The following COX7B2 variants were observed in gnomAD, a reference collection of about 807,000 sequenced individuals.
COX7B2 encodes the protein cytochrome c oxidase subunit 7B2, mitochondrial.
For missense variants in COX7B2, 109 were observed against 95.9 expected (o/e 1.14, Z -0.57); for synonymous variants, 37 against 32.1 (o/e 1.15, Z -0.51).
At chr4:46,754,600 T>G (rs1715638600) in intron 2 of COX7B2, among the ~76,000 whole-genome samples, 1 of 148,316 alleles carries the variant, frequency 6.7e-6, no homozygotes, top group Non-Finnish European at 1.5e-5. Context: ...AAATGACCAG[T>G]TAATGTGTGC....
intron 1 of COX7B2, among the ~76,000 whole-genome samples, chr4:46,879,394 T>G (rs1718563306): frequency 6.6e-6 from 1 of 152,004 alleles, no homozygotes; most frequent in Non-Finnish European, 1.5e-5. Flanking sequence ...CACGGCTCGC[T>G]GCCCTGCTGA....
At position 46,734,985 on chromosome 4, in the gene COX7B2, CAG is replaced by C. The variant is rs781693484; in HGVS notation, c.206_207del (p.Pro69ArgfsTer40). The C allele has an allele frequency of 5.7e-5, 92 of 1,613,874 alleles. No homozygotes were observed. Among genetic ancestry groups the C allele is most frequent in the Non-Finnish European group, 7.6e-5 (90 of 1,179,970 alleles). ...TQIGIEWNLS[P>X]VGRVTPKEWK... Reference sequence around the variant, plus strand: ...CACTCTTTTGGGGTAACTCTGCCAACAGGGGATAGGTTCCATTCTATTCCAAT... The same window carrying C: ...CACTCTTTTGGGGTAACTCTGCCAACGGGATAGGTTCCATTCTATTCCAAT... On this transcript the variant is annotated frameshift_variant, in exon 3 of 3. Transcript: ENST00000355591. LOFTEE classifies it high-confidence loss of function.
At chr4:46,848,454 G>C (rs925245698) in intron 1 of COX7B2, among the ~76,000 whole-genome samples, 1 of 151,978 alleles carries the variant, frequency 6.6e-6, no homozygotes, top group Non-Finnish European at 1.5e-5. Context: ...CTATAATTTG[G>C]ATGCAAACTT....
At chr4:46,818,827 C>T (rs1159009717) in intron 2 of COX7B2, among the ~76,000 whole-genome samples, 1 of 152,142 alleles carries the variant, frequency 6.6e-6, no homozygotes, top group East Asian at 1.9e-4. Flanking sequence ...TTAACTGTTC[C>T]ACAAACACAG....
At chr4:46,819,670 G>A (rs576670688) in intron 2 of COX7B2, among the ~76,000 whole-genome samples, 1 of 152,156 alleles carries the variant, frequency 6.6e-6, no homozygotes, top group Non-Finnish European at 1.5e-5. Flanking sequence ...GGTTAGACAA[G>A]CTTGTGTTAA....
At chr4:46,779,734 TA>T (rs1717341417) in intron 2 of COX7B2, among the ~76,000 whole-genome samples, 1 of 150,554 alleles carries the variant, frequency 6.6e-6, no homozygotes, top group Non-Finnish European at 1.5e-5. Context: ...CAGTGAAATC[TA>T]AAAAATCAAA....
intron 2 of COX7B2, among the ~76,000 whole-genome samples, chr4:46,736,663 C>G (rs1337466878): frequency 6.6e-6 from 1 of 152,160 alleles, no homozygotes; most frequent in African/African-American, 2.4e-5. Context: ...TTTTTACTGT[C>G]TCCACAGTTT....
chr4:46,801,329 G>C (rs140497500), intron 2 of COX7B2, among the ~76,000 whole-genome samples: 2 of 152,050 alleles, frequency 1.3e-5, no homozygotes, highest in Non-Finnish European at 2.9e-5. Context: ...ACAGGGAATC[G>C]ACATAGATGC....
chr4:46,759,948 T>A (rs1163770889), intron 2 of COX7B2, among the ~76,000 whole-genome samples: 2 of 151,578 alleles, frequency 1.3e-5, no homozygotes, highest in Non-Finnish European at 2.9e-5. Flanking sequence ...GTTATATAAG[T>A]CTTATATAAG....
In COX7B2 at chr4:46,909,080, A is replaced by C. The variant is rs1001247525; in HGVS notation, c.-105+80T>G. ...AAAAATTTCAAAATATTTCCTGATA[A>C]CTGTTAGAGCAATGAATGAAGACCA... On this transcript the variant is annotated intron_variant, in intron 1 of 2. Coordinates refer to ENST00000355591, the MANE Select transcript of COX7B2 (RefSeq NM_130902.3). The C allele has an allele frequency of 5.3e-5, 8 of 152,298 alleles. 2 individuals are homozygous for C. The highest frequency in any genetic ancestry group is 1.3e-4 in the Admixed American group (2 of 15,290). 9.4% of individuals were successfully genotyped at this position (152,298 alleles called of 1,614,324 possible).
intron 1 of COX7B2, among the ~76,000 whole-genome samples, chr4:46,904,642 T>C (rs1350799220): frequency 6.6e-6 from 1 of 152,198 alleles, no homozygotes; most frequent in Non-Finnish European, 1.5e-5. Context: ...ACACAAACAT[T>C]ACACAGGCAT....
intron 1 of COX7B2, among the ~76,000 whole-genome samples, chr4:46,882,157 G>A (rs976842213): frequency 1.8e-4 from 28 of 152,268 alleles, no homozygotes; most frequent in Middle Eastern, 3.4e-3. Context: ...TGATCTGAGA[G>A]TGTGTTTGGT....
chr4:46,754,475 A>T lies in COX7B2; in HGVS notation c.-49-19234T>A, dbSNP rs190182603. The stretch of plus-strand genomic sequence containing the variant: ...AACTATCGCAAGGACAAAAAACCAA[A>T]CACTGCATGTTCTCACTCATAGTTG... On this transcript the variant is annotated intron_variant, in intron 2 of 2. Transcript: ENST00000355591. 1.8e-3 allele frequency among the ~76,000 whole-genome samples: 239 copies of T among 133,054 alleles called. 2 individuals carry two copies. The highest frequency in any genetic ancestry group is 2.7e-3 in the East Asian group (12 of 4,368). 87.3% of individuals were successfully genotyped at this position (133,054 alleles called of 152,430 possible).
intron 2 of COX7B2, among the ~76,000 whole-genome samples, chr4:46,819,133 G>A (rs1474380216): frequency 6.6e-6 from 1 of 152,164 alleles, no homozygotes; most frequent in Non-Finnish European, 1.5e-5. Flanking sequence ...GCTGATAGGT[G>A]ATAGATTTTC....
At chr4:46,868,304 TTTCTTTCAAA>T (rs1248896007) in intron 1 of COX7B2, among the ~76,000 whole-genome samples, 1 of 151,992 alleles carries the variant, frequency 6.6e-6, no homozygotes, top group Non-Finnish European at 1.5e-5. Context: ...TATCCTATTA[TTTCTTTCAAA>T]AAACCAACTC....
intron 2 of COX7B2, among the ~76,000 whole-genome samples, chr4:46,745,310 C>T (rs1396657364): frequency 6.6e-6 from 1 of 152,098 alleles, no homozygotes; most frequent in African/African-American, 2.4e-5. Context: ...GAATAAGGCT[C>T]TTGTTATTGC....
At chr4:46,894,751 C>T (rs1481534069) in intron 1 of COX7B2, among the ~76,000 whole-genome samples, 4 of 152,118 alleles carry the variant, frequency 2.6e-5, no homozygotes, top group Admixed American at 2.6e-4. Context: ...TGACAAAGGT[C>T]TAATACCCAG....
chr4:46,738,947 C>T (rs1200272896), intron 2 of COX7B2, among the ~76,000 whole-genome samples: 2 of 151,990 alleles, frequency 1.3e-5, no homozygotes, highest in Non-Finnish European at 2.9e-5. Context: ...TATATGTAGT[C>T]ATCTTAAAGT....
chr4:46,791,081 G>A (rs953898764), intron 2 of COX7B2, among the ~76,000 whole-genome samples: 4 of 152,086 alleles, frequency 2.6e-5, no homozygotes, highest in African/African-American at 7.2e-5. Context: ...CTCACTGCAA[G>A]CTCCGCCTCT....
Sources: allele counts gnomAD v4.1 joint callset (sites outside exome capture counted in the v4.1 genomes callset), GRCh38; gene constraint gnomAD v4.1.1; transcripts MANE v1.5; gene names NCBI Gene and HGNC (gene_info 2026-07-23, HGNC 2026-07-21).